SLC1A7: variants seen among roughly 807,000 people sequenced by gnomAD.
SLC1A7 encodes the protein solute carrier family 1 member 7, also known as excitatory amino acid transporter 5.
In SLC1A7, 40 loss-of-function variants were observed where a neutral mutation model predicts 47.7. The observed-to-expected ratio is 0.84, with a 90% CI of 0.65 to 1.09. The LOEUF is 1.09. Among genes scored for constraint, SLC1A7 ranks in the 50% least tolerant of loss-of-function variants. The pLI is 0.00. For synonymous variants in SLC1A7, 323 were observed against 325.6 expected (o/e 0.99, Z 0.09); for missense variants, 746 against 769.5 (o/e 0.97, Z 0.36).
intron 1 of SLC1A7, among the ~76,000 whole-genome samples, chr1:53,136,717 AG>A (rs1645004367): frequency 7.0e-6 from 1 of 142,118 alleles, no homozygotes; most frequent in Non-Finnish European, 1.5e-5. Context: ...CCCAGGCAGG[AG>A]GGCAGTGGCA....
chr1:53,119,497 C>T (rs545785344), intron 2 of SLC1A7, among the ~76,000 whole-genome samples: 143 of 152,182 alleles, frequency 9.4e-4, no homozygotes, highest in Non-Finnish European at 1.6e-3. Context: ...TACAGGCACT[C>T]GACACCATGC....
chr1:53,125,186 G>A (rs766965536), intron 2 of SLC1A7, among the ~76,000 whole-genome samples: 43 of 152,186 alleles, frequency 2.8e-4, no homozygotes, highest in Non-Finnish European at 5.6e-4. Flanking sequence ...TGCAGGTCCC[G>A]TCCAGATGAT....
chr1:53,099,957 T>C (rs1234957328), intron 5 of SLC1A7, among the ~76,000 whole-genome samples: 1 of 145,338 alleles, frequency 6.9e-6, no homozygotes, highest in Admixed American at 6.9e-5. Context: ...CACCACCTCG[T>C]TATACTCACA....
At chr1:53,113,289 C>T (rs1020655466) in intron 3 of SLC1A7, among the ~76,000 whole-genome samples, 1 of 152,100 alleles carries the variant, frequency 6.6e-6, no homozygotes, top group Non-Finnish European at 1.5e-5. Flanking sequence ...CACCACCTGT[C>T]CTGCAAGAGC....
chr1:53,091,565 C>T (rs554332582), intron 7 of SLC1A7, among the ~76,000 whole-genome samples: 2 of 152,254 alleles, frequency 1.3e-5, no homozygotes, highest in South Asian at 2.1e-4. Flanking sequence ...CCCCTATCTG[C>T]GGGAGGGTGT....
rs141759158 is a variant in SLC1A7 at position 53,113,106 on chromosome 1, T to C, written c.431+1652A>G. Reference sequence around the variant, plus strand: ...AGGCTAAGACAGGCTTAGTTTAAACTGCAGGAGTTTGGAGTTTTAATGTTA... The same window carrying C: ...AGGCTAAGACAGGCTTAGTTTAAACCGCAGGAGTTTGGAGTTTTAATGTTA... On this transcript the variant is annotated intron_variant, in intron 3 of 10. Transcript: ENST00000371494. Among the ~76,000 whole-genome samples the C allele has an allele frequency of 4.2e-4, 64 of 152,318 alleles. 2 individuals carry two copies. Among genetic ancestry groups the C allele is most frequent in the African/African-American group, 1.5e-3 (61 of 41,564 alleles).
rs769734915 is a variant in SLC1A7 at position 53,103,520 on chromosome 1, C to T, written c.523G>A (p.Glu175Lys). The T allele has an allele frequency of 1.9e-6, 3 of 1,611,502 alleles. No homozygotes were observed. Among genetic ancestry groups the T allele is most frequent in the Non-Finnish European group, 2.5e-6 (3 of 1,178,654 alleles). Residue 175 changes from glutamate (E) to lysine (K), a missense_variant, in exon 5 of 11, where the codon GAG (glutamate) becomes AAG (lysine). Glu to Lys is a moderately conservative substitution (Grantham distance 56, BLOSUM62 1). Coordinates refer to ENST00000371494, the MANE Select transcript of SLC1A7 (RefSeq NM_006671.6). ...PVVKSPKVAPEEAPPRRILIY... is the reference protein window; with the variant it reads ...PVVKSPKVAPKEAPPRRILIY... ...AGGATCCGCCGAGGAGGGGCCTCCT[C>T]TGGTGCCACCTTGGGGGACTTGACA...
intron 3 of SLC1A7, chr1:53,114,554 C>T (rs1644734739): frequency 1.7e-6 from 1 of 592,964 alleles, no homozygotes; most frequent in Non-Finnish European, 3.0e-6. Flanking sequence ...GGGGCAGACC[C>T]CGTCCAGGCT....
At chr1:53,088,407 T>C (rs1644383580) in intron 10 of SLC1A7, among the ~76,000 whole-genome samples, 180 bp from the exon 11 acceptor site, 1 of 152,100 alleles carries the variant, frequency 6.6e-6, no homozygotes, top group African/African-American at 2.4e-5. Context: ...TTCCCAAGCG[T>C]CCTGCCTCCC....
chr1:53,129,277 G>T lies in SLC1A7; in HGVS notation c.215+5073C>A, dbSNP rs78097577. Among the ~76,000 whole-genome samples the T allele has an allele frequency of 1.3e-5, 2 of 151,372 alleles. 1 individual carries two copies. Among genetic ancestry groups the T allele is most frequent in the Non-Finnish European group, 2.9e-5 (2 of 67,878 alleles). On this transcript the variant is annotated intron_variant, in intron 2 of 10. Transcript: ENST00000371494. Reference sequence around the variant, plus strand: ...ACGTACATTCTCTTACTTACTTTTCGTAATAACCTCGTGAAGGAGGTATTC... The same window carrying T: ...ACGTACATTCTCTTACTTACTTTTCTTAATAACCTCGTGAAGGAGGTATTC...
chr1:53,112,548 A>G (rs1239639247), intron 3 of SLC1A7, among the ~76,000 whole-genome samples: 1 of 152,354 alleles, frequency 6.6e-6, no homozygotes, highest in Admixed American at 6.5e-5. Context: ...ATGGGCATCT[A>G]TCCCCACGGG....
intron 3 of SLC1A7, 138 bp downstream of exon 3, chr1:53,114,620 C>T: frequency 1.4e-6 from 1 of 722,022 alleles, no homozygotes. Context: ...CAGCGGGCAG[C>T]CCAGAGCTCA....
chr1:53,095,163 C>T (rs934601201), intron 5 of SLC1A7, among the ~76,000 whole-genome samples: 14 of 152,132 alleles, frequency 9.2e-5, no homozygotes, highest in Admixed American at 7.9e-4. Flanking sequence ...GACATGAGCA[C>T]AGGCAGATGT....
intron 2 of SLC1A7, among the ~76,000 whole-genome samples, chr1:53,131,853 T>C (rs1270885822): frequency 2.6e-5 from 4 of 152,042 alleles, no homozygotes; most frequent in Non-Finnish European, 2.9e-5. Context: ...TGACAACATA[T>C]GATATGTGCT....
chr1:53,100,872 T>A (rs1644568009), intron 5 of SLC1A7, among the ~76,000 whole-genome samples: 1 of 129,284 alleles, frequency 7.7e-6, no homozygotes, highest in South Asian at 2.6e-4. Flanking sequence ...ACTCACACAC[T>A]TTGCCTTGGT....
intron 7 of SLC1A7, 67 bp from the exon 8 acceptor site, chr1:53,090,873 A>T: frequency 6.4e-7 from 1 of 1,554,794 alleles, no homozygotes; most frequent in Middle Eastern, 1.7e-4. Flanking sequence ...TCTGTCGGGA[A>T]GCTCACCCCT....
intron 3 of SLC1A7, among the ~76,000 whole-genome samples, chr1:53,107,028 C>T (rs1350058749): frequency 2.0e-5 from 3 of 151,214 alleles, no homozygotes; most frequent in African/African-American, 4.9e-5. Flanking sequence ...TGGTGGTGCT[C>T]GCCTGTAGTC....
chr1:53,103,147 A>C (rs2150324859), intron 5 of SLC1A7, 199 bp downstream of exon 5: 1 of 496,942 alleles, frequency 2.0e-6, no homozygotes. Context: ...CCTGAGGGGG[A>C]GGTGCCAGGG....
At chr1:53,142,279 C>A in intron 1 of SLC1A7, 36 bp downstream of exon 1, 1 of 1,546,376 alleles carries the variant, frequency 6.5e-7, no homozygotes, top group Non-Finnish European at 8.7e-7. Flanking sequence ...CACGCCCCTC[C>A]TGGACAGGGG....
Sources: gnomAD v4.1 joint callset for allele counts (sites outside exome capture counted in the v4.1 genomes callset) on GRCh38, gnomAD v4.1.1 for gene constraint, MANE v1.5 for transcripts, NCBI Gene and HGNC (gene_info 2026-07-23, HGNC 2026-07-21) for gene names.